ABL1: variants seen among roughly 807,000 people sequenced by gnomAD.
ABL1 encodes ABL proto-oncogene 1, non-receptor tyrosine kinase.
In ABL1, 11 loss-of-function variants were observed where a neutral mutation model predicts 94.7. That is an observed-to-expected ratio of 0.12 (90% CI 0.07 to 0.19). The LOEUF is 0.19. Ranked by LOEUF, ABL1 falls within the 10% of genes least tolerant of loss-of-function variation. The pLI, the probability that ABL1 is intolerant of heterozygous loss-of-function variation, is 1.00. For missense variants in ABL1, 1,082 were observed against 1,489.4 expected, an observed-to-expected ratio of 0.73 and a Z score of 4.50; for synonymous variants, 656 against 622.4, an observed-to-expected ratio of 1.05 and a Z score of -0.80.
chr9:130,818,575 T>C (rs1830319498), intron 1 of ABL1, among the ~76,000 whole-genome samples: 1 of 152,234 alleles, frequency 6.6e-6, no homozygotes, highest in Admixed American at 6.5e-5. Context: ...TTACAAAGAT[T>C]CTTCTGTTTT....
chr9:130,720,029 A>G (rs538646136), intron 1 of ABL1, among the ~76,000 whole-genome samples: 23 of 152,352 alleles, frequency 1.5e-4, no homozygotes, highest in Admixed American at 5.2e-4. Flanking sequence ...GAGAGTTGGT[A>G]CAACAATTGA....
At position 130,813,049 on chromosome 9, in the gene ABL1, A is replaced by G. The variant is rs1380497629; in HGVS notation, c.137-41015A>G. Among the ~76,000 whole-genome samples, 4 of 151,776 alleles carry G rather than the reference A, an allele frequency of 2.6e-5. No individual in the cohort carries two copies. In the East Asian group the frequency reaches 7.8e-4, roughly 29 times the overall value. On this transcript the variant is annotated intron_variant, in intron 1 of 10. Coordinates refer to the ABL1 transcript ENST00000372348. ...GCCAACGTGGTGAAACCCCGTCTCT[A>G]CGAAAAATACCAAAAATTAGCTGTG... is the stretch of plus-strand genomic sequence containing the variant.
chr9:130,852,671 C>T (rs1830889925), intron 1 of ABL1, among the ~76,000 whole-genome samples: 7 of 151,706 alleles, frequency 4.6e-5, no homozygotes, highest in Admixed American at 3.9e-4. Context: ...AGCGTTTGAG[C>T]CCTGTTCAAA....
intron 4 of ABL1, among the ~76,000 whole-genome samples, chr9:130,868,188 G>T (rs1490659235): frequency 6.6e-6 from 1 of 152,142 alleles, no homozygotes; most frequent in Non-Finnish European, 1.5e-5. Context: ...TCGATCTCCT[G>T]ACTTCATGAT....
intron 1 of ABL1, among the ~76,000 whole-genome samples, chr9:130,819,046 C>A (rs1248403520): frequency 2.6e-5 from 4 of 152,138 alleles, no homozygotes; most frequent in Non-Finnish European, 2.9e-5. Flanking sequence ...ACTGTGCATC[C>A]TTGGAGGTCA....
rs556769097 is a variant in ABL1 at position 130,830,094 on chromosome 9, A to G, written c.137-23970A>G. ...TGCTTGAGTTTTAACCATGTTATGTATATTACTTTGATTAAAAAGAAAAAT... is the reference window on the plus strand; with the variant it reads ...TGCTTGAGTTTTAACCATGTTATGTGTATTACTTTGATTAAAAAGAAAAAT... On this transcript the variant is annotated intron_variant, in intron 1 of 10. Transcript: ENST00000372348. 5.9e-5 allele frequency among the ~76,000 whole-genome samples: 9 copies of G among 152,288 alleles called. No homozygotes were observed. In the South Asian group the frequency reaches 1.7e-3, roughly 28 times the overall value.
In ABL1 at chr9:130,886,230, G is replaced by A. The variant is rs146428576; in HGVS notation, c.*547G>A. On this transcript the variant is annotated 3_prime_UTR_variant, in exon 11 of 11. Coordinates refer to ENST00000318560, the MANE Select transcript of ABL1 (RefSeq NM_005157.6). ...GAAGGGCATGCACGGGCATGCACAC[G>A]GCTGGTCACTCTGCCCTCTGCTGCT... The A allele has an allele frequency of 1.3e-5, 3 of 237,372 alleles. No individual in the cohort carries two copies. Among genetic ancestry groups the A allele is most frequent in the Non-Finnish European group, 2.5e-5 (3 of 120,606 alleles). The allele number at this position is 237,372 out of a possible 1,614,324, so 14.7% of individuals were successfully genotyped here. A position where few individuals can be genotyped will look rare whatever the true frequency, so the allele number is the denominator to read the frequency against.
chr9:130,858,447 C>T (rs969575612), intron 3 of ABL1, among the ~76,000 whole-genome samples: 3 of 152,152 alleles, frequency 2.0e-5, no homozygotes, highest in Non-Finnish European at 4.4e-5. Context: ...CTTGCCTCCT[C>T]CCTCCCCGTC....
intron 1 of ABL1, among the ~76,000 whole-genome samples, chr9:130,821,263 C>T (rs971158668): frequency 1.3e-5 from 2 of 152,146 alleles, no homozygotes; most frequent in African/African-American, 4.8e-5. Context: ...TCCAGCATCC[C>T]CAAAAGATCC....
chr9:130,832,365 T>G (rs1830504186), upstream of ABL1, among the ~76,000 whole-genome samples: 1 of 152,050 alleles, frequency 6.6e-6, no homozygotes, highest in African/African-American at 2.4e-5. Context: ...TCTAGTTCCC[T>G]GAATTATTTT....
intron 4 of ABL1, among the ~76,000 whole-genome samples, chr9:130,864,441 C>T (rs939355401): frequency 2.6e-5 from 4 of 152,090 alleles, no homozygotes; most frequent in African/African-American, 4.8e-5. Flanking sequence ...GATGGGGTTT[C>T]GCTGTGTTGG....
At chr9:130,796,797 G>A (rs1317862013) in intron 1 of ABL1, among the ~76,000 whole-genome samples, 1 of 150,938 alleles carries the variant, frequency 6.6e-6, no homozygotes, top group Non-Finnish European at 1.5e-5. Flanking sequence ...TTTTTTGCCT[G>A]TAATCCCAGC....
chr9:130,733,141 CTG>C (rs1165925544), intron 1 of ABL1, among the ~76,000 whole-genome samples: 4 of 152,128 alleles, frequency 2.6e-5, no homozygotes, highest in South Asian at 2.1e-4. Context: ...CCTGTACAAA[CTG>C]TGAGTTAGTA....
chr9:130,870,649 T>C (rs933534499), intron 4 of ABL1, among the ~76,000 whole-genome samples: 5 of 152,146 alleles, frequency 3.3e-5, no homozygotes, highest in Non-Finnish European at 5.9e-5. Context: ...CAGAGAGGGC[T>C]CAGAAGAATT....
chr9:130,730,046 C>CTTT lies in ABL1; in HGVS notation c.136+15603_136+15605dup, dbSNP rs138446676. ...GCGTGAGCCACTGCGCCCAGCCAGA[C>CTTT]TTTTTTTTTTTTTTGAGATGGAATT... is the stretch of plus-strand genomic sequence containing the variant. On this transcript the variant is annotated intron_variant, in intron 1 of 10. Coordinates refer to the ABL1 transcript ENST00000372348. Among the ~76,000 whole-genome samples, 64 of 107,166 alleles carry CTTT rather than the reference C, an allele frequency of 6.0e-4. 4 individuals carry two copies. Among genetic ancestry groups the CTTT allele is most frequent in the East Asian group, 1.7e-3 (7 of 4,012 alleles). The allele number at this position is 107,166 out of a possible 152,430, so 70.3% of individuals were successfully genotyped here.
rs1328491141 is a variant in ABL1 at position 130,835,831 on chromosome 9, C to T, written c.79+306C>T. Reference sequence around the variant, plus strand: ...CGGAGCGTGGCCCCCAGCCCCGGCACCAGCCCCGGTAGAGCCACGCCGGAT... The same window carrying T: ...CGGAGCGTGGCCCCCAGCCCCGGCATCAGCCCCGGTAGAGCCACGCCGGAT... On this transcript the variant is annotated intron_variant, in intron 1 of 10. Coordinates refer to ENST00000318560, the MANE Select transcript of ABL1 (RefSeq NM_005157.6). This position sits in a 1 kb window ranked among gnomAD's most constrained non-coding sequence, Gnocchi z 4.6. Among the ~76,000 whole-genome samples the T allele has an allele frequency of 6.6e-6, 1 of 152,166 alleles. No individual in the cohort carries two copies. Among genetic ancestry groups the T allele is most frequent in the Non-Finnish European group, 1.5e-5 (1 of 68,006 alleles).
intron 1 of ABL1, among the ~76,000 whole-genome samples, chr9:130,758,052 T>G (rs1832063404): frequency 6.6e-6 from 1 of 152,244 alleles, no homozygotes; most frequent in South Asian, 2.1e-4. Context: ...TTGTTAATAG[T>G]ACTTAGATGA....
intron 1 of ABL1, chr9:130,714,567 A>T: frequency 8.5e-6 from 12 of 1,418,488 alleles, no homozygotes; most frequent in Non-Finnish European, 1.2e-5. Context: ...TCCACTTAAT[A>T]AATTTGTTAC....
At chr9:130,825,032 CT>C (rs1830407246) in intron 1 of ABL1, among the ~76,000 whole-genome samples, 1 of 152,216 alleles carries the variant, frequency 6.6e-6, no homozygotes, top group Non-Finnish European at 1.5e-5. Context: ...TAAACATTAA[CT>C]CCCCTTTAGT....
Sources: gnomAD v4.1 joint callset for allele counts (sites outside exome capture counted in the v4.1 genomes callset) on GRCh38, gnomAD v4.1.1 for gene constraint, Gnocchi (gnomAD v3.1) non-coding constraint, MANE v1.5 for transcripts, NCBI Gene and HGNC (gene_info 2026-07-23, HGNC 2026-07-21) for gene names.